AK5: variants seen among roughly 807,000 people sequenced by gnomAD.
The protein encoded by AK5 is adenylate kinase 5.
A neutral mutation model predicts 69.5 loss-of-function variants in AK5; 27 were observed. The observed-to-expected ratio is 0.39, with a 90% CI of 0.29 to 0.54. AK5 has a LOEUF of 0.54. Among genes scored for constraint, AK5 ranks in the 20% least tolerant of loss-of-function variants. AK5 has a pLI of 0.71. For synonymous variants in AK5, 260 were observed against 244.4 expected (o/e 1.06, Z -0.60); for missense variants, 531 against 700.4 (o/e 0.76, Z 2.73).
chr1:77,507,327 A>G (rs1657085527), intron 10 of AK5, among the ~76,000 whole-genome samples: 1 of 146,882 alleles, frequency 6.8e-6, no homozygotes, highest in African/African-American at 2.4e-5. Flanking sequence ...TGGTACCAGG[A>G]CACAGTTGGC....
chr1:77,510,215 C>G (rs1366782740), intron 10 of AK5, among the ~76,000 whole-genome samples: 2 of 152,144 alleles, frequency 1.3e-5, no homozygotes, highest in African/African-American at 4.8e-5. Flanking sequence ...GGATGCCAGC[C>G]TAAGTGAAGT....
chr1:77,328,236 C>T (rs1194422007), intron 5 of AK5, among the ~76,000 whole-genome samples: 2 of 152,196 alleles, frequency 1.3e-5, no homozygotes, highest in Non-Finnish European at 2.9e-5. Flanking sequence ...TGCAGTGGCT[C>T]ACGCCTGTAA....
At chr1:77,353,998 G>T (rs1662357576) in intron 6 of AK5, among the ~76,000 whole-genome samples, 2 of 152,128 alleles carry the variant, frequency 1.3e-5, no homozygotes, top group African/African-American at 4.8e-5. Context: ...ACTCTGGTGG[G>T]ACTGGATGAA....
chr1:77,469,315 G>A (rs1199727646), intron 8 of AK5, among the ~76,000 whole-genome samples: 1 of 152,190 alleles, frequency 6.6e-6, no homozygotes, highest in Non-Finnish European at 1.5e-5. Context: ...TTGTAGATTT[G>A]ATTAACATCT....
chr1:77,489,682 T>G (rs753506207), intron 10 of AK5, among the ~76,000 whole-genome samples: 5 of 152,152 alleles, frequency 3.3e-5, no homozygotes, highest in African/African-American at 4.8e-5. Context: ...TTAGCCAGAG[T>G]CTAGGTTGAC....
chr1:77,485,946 C>T (rs1234953628), intron 9 of AK5, among the ~76,000 whole-genome samples: 1 of 151,978 alleles, frequency 6.6e-6, no homozygotes, highest in African/African-American at 2.4e-5. Context: ...GTGAAACCCC[C>T]TCTTTAATAA....
chr1:77,287,735 CAAAA>C (rs1174282495), intron 2 of AK5, among the ~76,000 whole-genome samples: 1 of 151,878 alleles, frequency 6.6e-6, no homozygotes, highest in African/African-American at 2.4e-5. Context: ...GATTTATAGA[CAAAA>C]AAAGGGAAAT....
intron 13 of AK5, chr1:77,557,238 G>A (rs184744466): frequency 6.2e-6 from 1 of 161,134 alleles, no homozygotes; most frequent in East Asian, 1.7e-4. Flanking sequence ...ATTTTTTTTT[G>A]TCAGCGTGTG....
chr1:77,498,336 A>C (rs769894757), intron 10 of AK5, among the ~76,000 whole-genome samples: 2 of 152,206 alleles, frequency 1.3e-5, no homozygotes, highest in Non-Finnish European at 2.9e-5. Context: ...ATCTGTACAG[A>C]CAACACTTTC....
At chr1:77,420,530 A>G (rs1448234330) in intron 8 of AK5, 1 of 152,358 alleles carries the variant, frequency 6.6e-6, no homozygotes, top group Middle Eastern at 3.4e-3. Context: ...TTTATGGTTT[A>G]CATGCATTAT....
At chr1:77,540,818 G>A (rs1342999531) in intron 13 of AK5, 1 of 152,182 alleles carries the variant, frequency 6.6e-6, no homozygotes. Context: ...TAGAAAACTG[G>A]TCAGGTGTGG....
At chr1:77,390,245 C>T (rs572289202) in intron 6 of AK5, among the ~76,000 whole-genome samples, 83 of 152,338 alleles carry the variant, frequency 5.4e-4, no homozygotes, top group African/African-American at 1.7e-3. Context: ...TAAAAAGCCA[C>T]ATAAGCACAG....
intron 12 of AK5, among the ~76,000 whole-genome samples, chr1:77,528,475 A>G (rs770513090): frequency 4.6e-5 from 7 of 152,204 alleles, no homozygotes; most frequent in Non-Finnish European, 8.8e-5. Flanking sequence ...GTTCTCCGAG[A>G]TACAAGGTCC....
intron 12 of AK5, among the ~76,000 whole-genome samples, chr1:77,528,073 A>G (rs1418370003): frequency 6.6e-6 from 1 of 152,144 alleles, no homozygotes; most frequent in Non-Finnish European, 1.5e-5. Context: ...AATAATAATA[A>G]TAATAAAACC....
intron 6 of AK5, among the ~76,000 whole-genome samples, chr1:77,353,557 G>A (rs953728382): frequency 2.0e-5 from 3 of 152,168 alleles, no homozygotes; most frequent in Admixed American, 6.6e-5. Context: ...GGTAAAGATA[G>A]GGACTTGCTA....
At chr1:77,391,440 CAT>C (rs150964634) in intron 6 of AK5, among the ~76,000 whole-genome samples, 4 of 104,176 alleles carry the variant, frequency 3.8e-5, no homozygotes, top group South Asian at 3.3e-4. Context: ...TACATATATA[CAT>C]ATATGTGTGT....
At chr1:77,415,975 A>G (rs535734601) in intron 7 of AK5, among the ~76,000 whole-genome samples, 4 of 152,304 alleles carry the variant, frequency 2.6e-5, no homozygotes, top group Admixed American at 6.5e-5. Flanking sequence ...GGCAAAAACC[A>G]CAATTTCTTT....
At chr1:77,307,406 G>T (rs1659704373) in intron 5 of AK5, among the ~76,000 whole-genome samples, 1 of 151,244 alleles carries the variant, frequency 6.6e-6, no homozygotes, top group South Asian at 2.1e-4. Context: ...ACATATATTT[G>T]TATTTTTTCC....
chr1:77,482,452 G>A (rs541948966), intron 8 of AK5, among the ~76,000 whole-genome samples: 11 of 152,168 alleles, frequency 7.2e-5, no homozygotes, highest in Middle Eastern at 3.4e-3. Flanking sequence ...GCTTTGGTTC[G>A]GGGATTGGCA....
Sources: allele counts gnomAD v4.1 joint callset (sites outside exome capture counted in the v4.1 genomes callset), GRCh38; gene constraint gnomAD v4.1.1; transcripts MANE v1.5; gene names NCBI Gene and HGNC (gene_info 2026-07-23, HGNC 2026-07-21).